SLC2A9: variants seen among roughly 807,000 people sequenced by gnomAD.
The protein encoded by SLC2A9 is solute carrier family 2 member 9, also known as solute carrier family 2, facilitated glucose transporter member 9.
SLC2A9 carries 39 observed loss-of-function variants against 50.6 expected under a neutral mutation model. The observed-to-expected ratio is 0.77, with a 90% CI of 0.60 to 1.01. SLC2A9 has a LOEUF of 1.01. Ranked by LOEUF, SLC2A9 falls within the 50% of genes least tolerant of loss-of-function variation. SLC2A9 has a pLI of 0.00. For missense variants in SLC2A9, 686 were observed against 677.6 expected (o/e 1.01, Z -0.14); for synonymous variants, 324 against 276.9 (o/e 1.17, Z -1.69).
At chr4:10,024,200 G>A (rs1463817115), upstream of SLC2A9, among the ~76,000 whole-genome samples, 1 of 151,334 alleles carries the variant, frequency 6.6e-6, no homozygotes, top group Non-Finnish European at 1.5e-5. Context: ...CTCTGCACGT[G>A]TGCTGCTGCT....
At chr4:9,891,401 T>C (rs1056754731) in intron 8 of SLC2A9, among the ~76,000 whole-genome samples, 1 of 152,234 alleles carries the variant, frequency 6.6e-6, no homozygotes. Flanking sequence ...CCTGGGTTTA[T>C]ATTCCGGCTT....
intron 3 of SLC2A9, among the ~76,000 whole-genome samples, chr4:9,804,996 C>A (rs1721934714): frequency 6.6e-6 from 1 of 152,126 alleles, no homozygotes. Context: ...GATGATGGGG[C>A]CCCAGGGGAA....
chr4:9,991,919 G>A (rs927732494), intron 3 of SLC2A9, among the ~76,000 whole-genome samples: 1 of 152,186 alleles, frequency 6.6e-6, no homozygotes, highest in Non-Finnish European at 1.5e-5. Flanking sequence ...TGGCAGCCTG[G>A]GCTAACCAAT....
intron 10 of SLC2A9, among the ~76,000 whole-genome samples, chr4:9,876,400 T>C (rs141630674): frequency 1.1e-4 from 17 of 152,100 alleles, no homozygotes; most frequent in African/African-American, 3.9e-4. Context: ...CCAGACCAGG[T>C]TGGGAAACAT....
downstream of SLC2A9, among the ~76,000 whole-genome samples, chr4:9,824,192 C>G (rs1437166656): frequency 6.6e-6 from 1 of 152,004 alleles, no homozygotes; most frequent in Non-Finnish European, 1.5e-5. Context: ...AGTGAACAAA[C>G]TTAGCCGCCT....
chr4:9,958,091 A>G (rs973730272), intron 5 of SLC2A9, among the ~76,000 whole-genome samples: 16 of 152,246 alleles, frequency 1.1e-4, no homozygotes, highest in African/African-American at 3.6e-4. Context: ...CTCATCAGCA[A>G]TGTCAGATGC....
intron 10 of SLC2A9, among the ~76,000 whole-genome samples, chr4:9,845,180 A>AT (rs1413954864): frequency 2.6e-5 from 4 of 151,486 alleles, no homozygotes; most frequent in African/African-American, 7.3e-5. Context: ...CACATGGATA[A>AT]TTTTTTGTAT....
chr4:10,012,983 TG>T (rs1204269210), intron 2 of SLC2A9, among the ~76,000 whole-genome samples: 1 of 152,020 alleles, frequency 6.6e-6, no homozygotes, highest in Non-Finnish European at 1.5e-5. Flanking sequence ...GGCCTTTGGG[TG>T]GAGACTAAAC....
chr4:9,834,803 T>C, intron 11 of SLC2A9, 78 bp downstream of exon 11: 1 of 1,600,960 alleles, frequency 6.2e-7, no homozygotes, highest in African/African-American at 1.3e-5. Flanking sequence ...GAGATCAACT[T>C]CTGCTCTATG....
In SLC2A9 at chr4:9,929,035, C is replaced by A. The variant is rs115606575; in HGVS notation, c.815-8463G>T. Among the ~76,000 whole-genome samples the A allele has an allele frequency of 3.4e-3, 523 of 152,336 alleles. 3 individuals carry two copies. Among genetic ancestry groups the A allele is most frequent in the African/African-American group, 0.011 (476 of 41,576 alleles). ...AAGCCGCTTCATCAAGTTCAGCCAG[C>A]CTTGTCACCTGCTTCTGTTTGGAGC... is the stretch of plus-strand genomic sequence containing the variant. On this transcript the variant is annotated intron_variant, in intron 6 of 11. Coordinates refer to ENST00000264784, the MANE Select transcript of SLC2A9 (RefSeq NM_020041.3).
intron 2 of SLC2A9, among the ~76,000 whole-genome samples, chr4:10,007,084 G>A (rs1760924045): frequency 6.6e-6 from 1 of 152,148 alleles, no homozygotes; most frequent in Admixed American, 6.5e-5. Flanking sequence ...ACTTAGCATT[G>A]TGTTCCACCA....
intron 11 of SLC2A9, among the ~76,000 whole-genome samples, chr4:9,830,403 A>T (rs1411891116): frequency 6.6e-6 from 1 of 152,006 alleles, no homozygotes; most frequent in Non-Finnish European, 1.5e-5. Context: ...TAGCTAATGG[A>T]CTCTGGGTTT....
At chr4:10,008,552 G>A (rs1004679284) in intron 2 of SLC2A9, among the ~76,000 whole-genome samples, 2 of 152,232 alleles carry the variant, frequency 1.3e-5, no homozygotes, top group African/African-American at 4.8e-5. Context: ...ACATCCTGGT[G>A]ATGCAGAACT....
At chr4:9,931,946 C>A (rs11939701) in intron 6 of SLC2A9, among the ~76,000 whole-genome samples, 108 of 58,234 alleles carry the variant, frequency 1.9e-3, no homozygotes, top group African/African-American at 1.9e-3. Context: ...CTCTCTCTCT[C>A]TCTCTCTCTC....
intron 8 of SLC2A9, 39 bp downstream of exon 8, chr4:9,908,196 C>T: frequency 2.2e-6 from 3 of 1,366,690 alleles, no homozygotes; most frequent in Non-Finnish European, 3.1e-6. Context: ...CTGTGTAACC[C>T]CCTGTGGCAT....
At chr4:9,929,604 T>C (rs934687371) in intron 6 of SLC2A9, among the ~76,000 whole-genome samples, 1 of 152,144 alleles carries the variant, frequency 6.6e-6, no homozygotes, top group African/African-American at 2.4e-5. Flanking sequence ...ACATGGACTG[T>C]CTGCTGCAGC....
chr4:10,037,994 C>T (rs567780964), intron 1 of SLC2A9, among the ~76,000 whole-genome samples: 4 of 151,896 alleles, frequency 2.6e-5, no homozygotes, highest in African/African-American at 7.3e-5. Flanking sequence ...GCAGGACCCA[C>T]GGTAGCTGTG....
At chr4:9,962,024 C>A (rs1418476397) in intron 5 of SLC2A9, among the ~76,000 whole-genome samples, 1 of 152,192 alleles carries the variant, frequency 6.6e-6, no homozygotes, top group African/African-American at 2.4e-5. Context: ...AGATACCAAT[C>A]TCATGCCAGT....
intron 3 of SLC2A9, among the ~76,000 whole-genome samples, chr4:9,801,030 G>A (rs948629421): frequency 1.1e-4 from 17 of 152,180 alleles, no homozygotes; most frequent in African/African-American, 4.1e-4. Flanking sequence ...AAGTGTGGAA[G>A]GCACTTGCAG....
Sources: allele counts gnomAD v4.1 joint callset (sites outside exome capture counted in the v4.1 genomes callset), GRCh38; gene constraint gnomAD v4.1.1; transcripts MANE v1.5; gene names NCBI Gene and HGNC (gene_info 2026-07-23, HGNC 2026-07-21).